TTC39B: variants seen among roughly 807,000 people sequenced by gnomAD.
TTC39B encodes tetratricopeptide repeat protein 39B.
TTC39B carries 92 observed loss-of-function variants against 96.6 expected under a neutral mutation model. The observed-to-expected ratio is 0.95, with a 90% CI of 0.80 to 1.13. TTC39B has a LOEUF of 1.13. TTC39B is among the 50% of genes most tolerant of loss of function. TTC39B has a pLI of 0.00. For synonymous variants in TTC39B, 367 were observed against 299.4 expected, an observed-to-expected ratio of 1.23 and a Z score of -2.33; for missense variants, 955 against 809.3, an observed-to-expected ratio of 1.18 and a Z score of -2.18.
chr9:15,271,461 C>T (rs973180614), intron 1 of TTC39B, among the ~76,000 whole-genome samples: 1 of 152,150 alleles, frequency 6.6e-6, no homozygotes, highest in African/African-American at 2.4e-5. Context: ...GAGATGGTTT[C>T]AGGATGAAAC....
intron 1 of TTC39B, among the ~76,000 whole-genome samples, chr9:15,304,703 T>C (rs548612232): frequency 1.4e-5 from 2 of 146,528 alleles, no homozygotes; most frequent in African/African-American, 5.1e-5. Context: ...TCTTTAGAGC[T>C]GGAAGAACAC....
intron 2 of TTC39B, among the ~76,000 whole-genome samples, chr9:15,226,993 T>G (rs536362413): frequency 6.6e-6 from 1 of 152,176 alleles, no homozygotes; most frequent in Admixed American, 6.5e-5. Context: ...TTGTTTTTTG[T>G]TTTTGTTTTT....
At chr9:15,268,982 A>G (rs903592459) in intron 1 of TTC39B, among the ~76,000 whole-genome samples, 1 of 151,638 alleles carries the variant, frequency 6.6e-6, no homozygotes, top group African/African-American at 2.4e-5. Flanking sequence ...CCCCTTACTC[A>G]CTCGACTCCA....
At chr9:15,201,768 T>C (rs1392870128) in intron 7 of TTC39B, among the ~76,000 whole-genome samples, 2 of 151,858 alleles carry the variant, frequency 1.3e-5, no homozygotes, top group African/African-American at 2.4e-5. Context: ...GGGGGGCGGG[T>C]AGGGAACATA....
intron 2 of TTC39B, among the ~76,000 whole-genome samples, chr9:15,267,006 G>A (rs934450886): frequency 2.0e-5 from 3 of 152,186 alleles, no homozygotes; most frequent in African/African-American, 7.2e-5. Flanking sequence ...GTGAACCTGG[G>A]AGGCGGAGCT....
intron 3 of TTC39B, among the ~76,000 whole-genome samples, chr9:15,217,447 G>C (rs593458): frequency 0.034 from 5,235 of 152,082 alleles, 307 homozygotes; most frequent in African/African-American, 0.12. Flanking sequence ...GCACCTCCGA[G>C]CACATAAACT....
exon 20 of TTC39B, chr9:15,169,655 A>T (rs2118351357): frequency 6.6e-6 from 1 of 152,244 alleles, no homozygotes; most frequent in East Asian, 1.9e-4. Flanking sequence ...ACATAGCAGG[A>T]AACATAAATA....
At chr9:15,279,604 C>A (rs1277940047) in intron 1 of TTC39B, among the ~76,000 whole-genome samples, 6 of 152,182 alleles carry the variant, frequency 3.9e-5, no homozygotes, top group Non-Finnish European at 1.5e-5. Context: ...GCACTTAGAA[C>A]AATGCATCCA....
chr9:15,261,398 C>T (rs552829775), intron 2 of TTC39B, among the ~76,000 whole-genome samples: 25 of 152,196 alleles, frequency 1.6e-4, no homozygotes, highest in Middle Eastern at 3.4e-3. Context: ...GCACTTGAAC[C>T]CAGGAGTTTG....
chr9:15,275,963 T>C (rs1322362647), intron 1 of TTC39B, among the ~76,000 whole-genome samples: 1 of 152,214 alleles, frequency 6.6e-6, no homozygotes, highest in African/African-American at 2.4e-5. Context: ...GCATTTTCAA[T>C]GTCACATTTG....
At chr9:15,280,988 T>C (rs557258862) in intron 1 of TTC39B, among the ~76,000 whole-genome samples, 125 of 152,272 alleles carry the variant, frequency 8.2e-4, no homozygotes, top group African/African-American at 2.8e-3. Flanking sequence ...CCAAACAGTA[T>C]TGAGAAGAAT....
Position 15,202,261 on chromosome 9 carries a change from C to T in TTC39B, c.759+1562G>A, listed in dbSNP as rs568112797. Among the ~76,000 whole-genome samples the T allele has an allele frequency of 1.7e-3, 260 of 152,282 alleles. 1 individual carries two copies. Among genetic ancestry groups the T allele is most frequent in the South Asian group, 3.1e-3 (15 of 4,830 alleles). The stretch of plus-strand genomic sequence containing the variant: ...GGCCTCCATGACTATCATTATGATG[C>T]TTACTGAGGCAGTAAGACTGTTGTT... On this transcript the variant is annotated intron_variant, in intron 7 of 19. Transcript: ENST00000512701.
At chr9:15,221,144 G>A (rs747307573) in intron 3 of TTC39B, among the ~76,000 whole-genome samples, 17 of 152,172 alleles carry the variant, frequency 1.1e-4, no homozygotes, top group African/African-American at 3.4e-4. Flanking sequence ...CAGATACCCC[G>A]TTTCACAACA....
At chr9:15,261,968 C>G (rs1387479831) in intron 2 of TTC39B, among the ~76,000 whole-genome samples, 4 of 152,204 alleles carry the variant, frequency 2.6e-5, no homozygotes, top group African/African-American at 9.6e-5. Context: ...TATAGCTAAT[C>G]TAGAACTGCA....
chr9:15,206,801 A>T (rs1394538786), intron 6 of TTC39B, among the ~76,000 whole-genome samples: 1 of 152,128 alleles, frequency 6.6e-6, no homozygotes, highest in Non-Finnish European at 1.5e-5. Context: ...AGGGTGGAGT[A>T]CAGGGGCATG....
At chr9:15,189,464 T>A in intron 13 of TTC39B, 110 bp downstream of exon 13, 1 of 1,098,154 alleles carries the variant, frequency 9.1e-7, no homozygotes, top group Non-Finnish European at 1.3e-6. Context: ...TTTATTTTTG[T>A]CTAGTCCATA....
chr9:15,288,560 T>C (rs1314665283), intron 1 of TTC39B, among the ~76,000 whole-genome samples: 2 of 152,126 alleles, frequency 1.3e-5, no homozygotes, highest in East Asian at 1.9e-4. Flanking sequence ...TCCCCATTCA[T>C]CCCACTGAGA....
At chr9:15,211,776 T>C (rs1431697862) in intron 4 of TTC39B, among the ~76,000 whole-genome samples, 1 of 152,206 alleles carries the variant, frequency 6.6e-6, no homozygotes, top group Non-Finnish European at 1.5e-5. Context: ...GACAGAGAGA[T>C]TCTGATATAT....
intron 1 of TTC39B, among the ~76,000 whole-genome samples, chr9:15,268,217 C>T (rs771385349): frequency 1.1e-4 from 17 of 152,050 alleles, no homozygotes; most frequent in Non-Finnish European, 2.1e-4. Flanking sequence ...GAGACTATGA[C>T]GTCTTTTATG....
Sources: gnomAD v4.1 joint callset for allele counts (sites outside exome capture counted in the v4.1 genomes callset) on GRCh38, gnomAD v4.1.1 for gene constraint, MANE v1.5 for transcripts, NCBI Gene and HGNC (gene_info 2026-07-23, HGNC 2026-07-21) for gene names.